MARCHF11: variants seen among roughly 807,000 people sequenced by gnomAD.
MARCHF11 encodes E3 ubiquitin-protein ligase MARCHF11.
Under a neutral mutation model 37.3 loss-of-function variants are expected in MARCHF11, and 29 were observed. That is an observed-to-expected ratio of 0.78 (90% CI 0.58 to 1.06). MARCHF11 has a LOEUF of 1.06. Among genes scored for constraint, MARCHF11 ranks in the 50% least tolerant of loss-of-function variants. The probability of loss-of-function intolerance (pLI) is 0.00; values close to 1 mark genes in which losing one functional copy is unlikely to be tolerated. For synonymous variants in MARCHF11, 233 were observed against 228.0 expected, an observed-to-expected ratio of 1.02 and a Z score of -0.20; for missense variants, 482 against 533.4, an observed-to-expected ratio of 0.90 and a Z score of 0.95.
intron 2 of MARCHF11, among the ~76,000 whole-genome samples, chr5:16,120,170 A>T (rs1325148315): frequency 6.6e-6 from 1 of 152,252 alleles, no homozygotes; most frequent in Non-Finnish European, 1.5e-5. Context: ...CTTCTTTAAC[A>T]AATATGTACT....
intron 3 of MARCHF11, among the ~76,000 whole-genome samples, chr5:16,089,669 T>C (rs978620932): frequency 6.6e-6 from 1 of 152,002 alleles, no homozygotes; most frequent in Non-Finnish European, 1.5e-5. Flanking sequence ...AAAAAATGAC[T>C]GAATATATTA....
At chr5:16,141,412 A>G (rs1043582429) in intron 2 of MARCHF11, 1 of 152,208 alleles carries the variant, frequency 6.6e-6, no homozygotes, top group African/African-American at 2.4e-5. Context: ...CAACACTCCC[A>G]AAGTTTCAGG....
At chr5:16,088,411 C>T (rs1249799553) in intron 3 of MARCHF11, among the ~76,000 whole-genome samples, 1 of 152,146 alleles carries the variant, frequency 6.6e-6, no homozygotes, top group African/African-American at 2.4e-5. Context: ...ATTTATCAAA[C>T]TGAGCTGAGG....
chr5:16,090,931 T>G lies in MARCHF11; in HGVS notation c.844A>C (p.Ile282Leu). 1 of 1,610,162 alleles carries G rather than the reference T, an allele frequency of 6.2e-7. No individual in the cohort carries two copies. The part of the protein sequence containing the change: ...VWQRKDILFQ[I>L]CYGMYGFMDL... ...ATAAAACCATACATTCCATAGCAGA[T>G]CTGAAAAAGGATGTCCTTCCTCTGC... Residue 282 changes from isoleucine to leucine, a missense_variant, in exon 3 of 4, where the codon ATC becomes CTC. By Grantham distance (5) the Ile-to-Leu change is conservative. Coordinates refer to ENST00000332432, the MANE Select transcript of MARCHF11 (RefSeq NM_001102562.3).
At chr5:16,103,255 T>C (rs1302154728) in intron 2 of MARCHF11, among the ~76,000 whole-genome samples, 2 of 152,042 alleles carry the variant, frequency 1.3e-5, no homozygotes, top group Non-Finnish European at 2.9e-5. Context: ...TTGAGCTGAG[T>C]TTGACAGGAT....
Position 16,067,370 on chromosome 5 carries a change from G to A in MARCHF11, c.*101C>T. On this transcript the variant is annotated 3_prime_UTR_variant, in exon 4 of 4. Transcript: ENST00000332432. ...ATATAAAAAGCATAAATTTTAAAAA[G>A]TTCATAGATGTGTTTTTAGAAGTGC... The A allele has an allele frequency of 1.8e-6, 2 of 1,092,756 alleles. No individual in the cohort carries two copies. Among genetic ancestry groups the A allele is most frequent in the Non-Finnish European group, 2.6e-6 (2 of 758,382 alleles). The allele number at this position is 1,092,756 out of a possible 1,614,324, so 67.7% of individuals were successfully genotyped here.
At position 16,096,714 on chromosome 5, in the gene MARCHF11, G is replaced by A. The variant is rs182263104; in HGVS notation, c.694-5633C>T. Among the ~76,000 whole-genome samples, 420 of 152,324 alleles carry A rather than the reference G, an allele frequency of 2.8e-3. 5 individuals are homozygous for A. The highest frequency in any genetic ancestry group is 9.1e-3 in the African/African-American group (380 of 41,570). ...ATGAATTTTCTTTAAGGAAATGACAGGATACTCCAAGTCTCTTCCTGTACA... is the reference window on the plus strand; with the variant it reads ...ATGAATTTTCTTTAAGGAAATGACAAGATACTCCAAGTCTCTTCCTGTACA... On this transcript the variant is annotated intron_variant, in intron 2 of 3. Transcript: ENST00000332432.
At position 16,174,279 on chromosome 5, in the gene MARCHF11, C is replaced by A. The variant is rs751885494; in HGVS notation, c.693+3447G>T. Among the ~76,000 whole-genome samples, 5 of 152,346 alleles carry A rather than the reference C, an allele frequency of 3.3e-5. No homozygotes were observed. The East Asian group carries it at 9.6e-4, about 29-fold the overall frequency. On this transcript the variant is annotated intron_variant, in intron 2 of 3. Transcript: ENST00000332432. ...GATATGTTAATAAATAAAATAGATT[C>A]TGCCAGTAGATAGGAAGGTAAATGC...
intron 2 of MARCHF11, among the ~76,000 whole-genome samples, chr5:16,122,434 T>A (rs1290915539): frequency 6.6e-6 from 1 of 152,196 alleles, no homozygotes; most frequent in East Asian, 1.9e-4. Context: ...ATGTGTGGTC[T>A]TTGTGTTTAC....
chr5:16,067,547 T>C lies in MARCHF11; in HGVS notation c.1133A>G (p.Asn378Ser), dbSNP rs1736368964. The stretch of plus-strand genomic sequence containing the variant: ...TAAGTCTTCATGGGGCCTCATCCGA[T>C]TGAACAGGTGCAATAACACATAGCC... ...QCGYVLLHLF[N>S]RMRPHEDLSE... Residue 378 changes from asparagine to serine, a missense_variant, in exon 4 of 4, where the codon AAT becomes AGT. Asn to Ser is a conservative substitution (Grantham distance 46, BLOSUM62 1). Coordinates refer to ENST00000332432, the MANE Select transcript of MARCHF11 (RefSeq NM_001102562.3). The C allele has an allele frequency of 6.2e-7, 1 of 1,613,962 alleles. No individual in the cohort carries two copies. The highest frequency in any genetic ancestry group is 8.5e-7 in the Non-Finnish European group (1 of 1,179,856).
chr5:16,165,809 AG>A, intron 2 of MARCHF11, among the ~76,000 whole-genome samples: 1 of 152,188 alleles, frequency 6.6e-6, no homozygotes, highest in Middle Eastern at 3.4e-3. Context: ...TCGATTGTAA[AG>A]GTATTTCCTC....
At chr5:16,133,445 C>T (rs1182628583) in intron 2 of MARCHF11, among the ~76,000 whole-genome samples, 1 of 152,166 alleles carries the variant, frequency 6.6e-6, no homozygotes, top group Non-Finnish European at 1.5e-5. Context: ...CTTCACCCCA[C>T]ATCTGACCAC....
intron 2 of MARCHF11, among the ~76,000 whole-genome samples, chr5:16,142,777 C>T (rs1737733323): frequency 1.3e-5 from 2 of 149,294 alleles, no homozygotes; most frequent in East Asian, 2.0e-4. Context: ...CCGCAACCTC[C>T]GACTCCCAGG....
chr5:16,131,560 T>C (rs1737515308), intron 2 of MARCHF11, among the ~76,000 whole-genome samples: 1 of 152,114 alleles, frequency 6.6e-6, no homozygotes, highest in Non-Finnish European at 1.5e-5. Flanking sequence ...GTGGGAGTGG[T>C]GAAGAAAAAG....
At chr5:16,092,641 T>C (rs1003703176) in intron 2 of MARCHF11, among the ~76,000 whole-genome samples, 2 of 152,116 alleles carry the variant, frequency 1.3e-5, no homozygotes, top group Non-Finnish European at 2.9e-5. Context: ...CCTGAGGGGC[T>C]TAAAACCTGG....
At chr5:16,123,265 C>T (rs779470291) in intron 2 of MARCHF11, among the ~76,000 whole-genome samples, 42 of 152,122 alleles carry the variant, frequency 2.8e-4, no homozygotes, top group Middle Eastern at 3.4e-3. Context: ...TGAGGTCATT[C>T]GGGTGGGTCC....
intron 2 of MARCHF11, among the ~76,000 whole-genome samples, chr5:16,175,944 T>C (rs1335103782): frequency 6.6e-6 from 1 of 152,192 alleles, no homozygotes; most frequent in African/African-American, 2.4e-5. Flanking sequence ...ACCAGATTAG[T>C]TTTTGGGTTT....
At chr5:16,107,361 T>C (rs1437180516) in intron 2 of MARCHF11, among the ~76,000 whole-genome samples, 1 of 151,612 alleles carries the variant, frequency 6.6e-6, no homozygotes, top group East Asian at 2.0e-4. Flanking sequence ...CAGATTACCA[T>C]ATGATTGCTT....
intron 3 of MARCHF11, among the ~76,000 whole-genome samples, chr5:16,075,059 T>G (rs1736495035): frequency 6.6e-6 from 1 of 152,212 alleles, no homozygotes; most frequent in African/African-American, 2.4e-5. Context: ...AGTCTCATCT[T>G]TTACTAATTG....
Sources: allele counts gnomAD v4.1 joint callset (sites outside exome capture counted in the v4.1 genomes callset), GRCh38; gene constraint gnomAD v4.1.1; transcripts MANE v1.5; gene names NCBI Gene and HGNC (gene_info 2026-07-23, HGNC 2026-07-21).